LIMS4: variants seen among roughly 807,000 people sequenced by gnomAD.
LIMS4 encodes the protein LIM zinc finger domain containing 4.
the LIMS4 span, among the ~76,000 whole-genome samples, chr2:110,371,818 G>T: frequency 1.7e-4 from 24 of 142,408 alleles, 3 homozygotes; most frequent in African/African-American, 6.3e-4. Flanking sequence ...AGACACCTGA[G>T]GAGCCAGGTG....
the LIMS4 span, among the ~76,000 whole-genome samples, chr2:110,373,609 G>A: frequency 1.3e-5 from 2 of 151,358 alleles, no homozygotes; most frequent in Non-Finnish European, 2.9e-5. Context: ...ACTCCACAGA[G>A]GGGGAAACTG....
chr2:110,378,974 C>T, the LIMS4 span, among the ~76,000 whole-genome samples: 1 of 146,748 alleles, frequency 6.8e-6, no homozygotes, highest in Admixed American at 6.7e-5. Flanking sequence ...TGCTCTCTTT[C>T]TACACACACA....
the LIMS4 span, among the ~76,000 whole-genome samples, chr2:110,373,629 G>T: frequency 6.6e-6 from 1 of 151,480 alleles, no homozygotes; most frequent in African/African-American, 2.5e-5. Flanking sequence ...GAGGCCCAGA[G>T]AAGTAAGGTG....
the LIMS4 span, among the ~76,000 whole-genome samples, chr2:110,425,401 C>T: frequency 1.4e-5 from 2 of 139,680 alleles, no homozygotes; most frequent in African/African-American, 6.2e-5. Flanking sequence ...TAAATAAAGA[C>T]TTAGTGCTAG....
the LIMS4 span, chr2:110,407,800 C>T: frequency 2.2e-4 from 22 of 101,324 alleles, no homozygotes; most frequent in East Asian, 4.1e-3. Flanking sequence ...TATTGGATTA[C>T]GTCCAAATCT....
the LIMS4 span, among the ~76,000 whole-genome samples, chr2:110,373,203 A>AC: frequency 6.6e-3 from 60 of 9,160 alleles, no homozygotes; most frequent in Middle Eastern, 0.011. Context: ...CCCCAGTGAC[A>AC]CCCCCCCCCT....
chr2:110,367,505 C>A, the LIMS4 span, among the ~76,000 whole-genome samples: 1 of 139,114 alleles, frequency 7.2e-6, no homozygotes, highest in East Asian at 2.0e-4. Flanking sequence ...ATAAATGATT[C>A]CAGGATAACT....
chr2:110,360,899 T>C, the LIMS4 span: 1 of 1,457,748 alleles, frequency 6.9e-7, no homozygotes. Flanking sequence ...CTCCCGGCAC[T>C]GGTAGAAAGA....
At chr2:110,371,287 C>T in the LIMS4 span, among the ~76,000 whole-genome samples, 1 of 115,044 alleles carries the variant, frequency 8.7e-6, no homozygotes, top group African/African-American at 4.3e-5. Context: ...TGATTTTCAT[C>T]TGGTTATTTT....
chr2:110,419,596 C>T, the LIMS4 span, among the ~76,000 whole-genome samples: 1 of 18,120 alleles, frequency 5.5e-5, no homozygotes, highest in Non-Finnish European at 8.8e-5. Context: ...GCCGAGATCG[C>T]GCCACTGCCC....
At chr2:110,360,669 A>C in the LIMS4 span, 1 of 1,570,180 alleles carries the variant, frequency 6.4e-7, no homozygotes, top group Non-Finnish European at 8.7e-7. Flanking sequence ...TCTGCATGTG[A>C]GTTTTTAAGG....
the LIMS4 span, among the ~76,000 whole-genome samples, chr2:110,366,132 A>G: frequency 2.3e-4 from 35 of 150,444 alleles, no homozygotes; most frequent in East Asian, 5.8e-3. Context: ...AGCTGCTACC[A>G]TCCCTGCTTG....
At chr2:110,367,596 A>C in the LIMS4 span, among the ~76,000 whole-genome samples, 1 of 141,934 alleles carries the variant, frequency 7.0e-6, no homozygotes, top group South Asian at 2.2e-4. Flanking sequence ...TTAAAGACTT[A>C]AATGTAAGAC....
chr2:110,390,857 C>A, the LIMS4 span, among the ~76,000 whole-genome samples: 6 of 152,216 alleles, frequency 3.9e-5, no homozygotes, highest in African/African-American at 1.2e-4. Context: ...GGAGGGGGAG[C>A]GGGACCAAGC....
the LIMS4 span, among the ~76,000 whole-genome samples, chr2:110,398,609 AG>A: frequency 1.3e-5 from 1 of 75,916 alleles, no homozygotes; most frequent in South Asian, 5.7e-4. Flanking sequence ...TCTGTGCTAA[AG>A]GGTGGAAGGC....
the LIMS4 span, chr2:110,361,508 C>A: frequency 1.6e-6 from 1 of 624,726 alleles, no homozygotes; most frequent in Non-Finnish European, 2.9e-6. Context: ...ATTTCTCTTT[C>A]CCATTCATGG....
chr2:110,362,274 A>G, the LIMS4 span: 91,051 of 1,524,024 alleles, frequency 0.06, 366 homozygotes, highest in African/African-American at 0.22. Context: ...GCATGGCTGT[A>G]GTGCTGGGAG....
At chr2:110,369,033 G>A in the LIMS4 span, among the ~76,000 whole-genome samples, 87 of 89,892 alleles carry the variant, frequency 9.7e-4, no homozygotes, top group Non-Finnish European at 1.5e-3. Flanking sequence ...AGCAGCAGGG[G>A]TCCTGGGCAA....
chr2:110,366,636 C>A, the LIMS4 span, among the ~76,000 whole-genome samples: 2 of 152,084 alleles, frequency 1.3e-5, no homozygotes, highest in Non-Finnish European at 1.5e-5. Context: ...TGGAACAAGA[C>A]AAGGATACCC....
Sources: gnomAD v4.1 joint callset for allele counts (sites outside exome capture counted in the v4.1 genomes callset) on GRCh38, gnomAD v4.1.1 for gene constraint, MANE v1.5 for transcripts, NCBI Gene and HGNC (gene_info 2026-07-23, HGNC 2026-07-21) for gene names.